MYOF: variants seen among roughly 807,000 people sequenced by gnomAD.
MYOF encodes the protein myoferlin.
MYOF carries 244 observed loss-of-function variants against 284.2 expected under a neutral mutation model. The observed-to-expected ratio is 0.86, with a 90% CI of 0.77 to 0.95. MYOF has a LOEUF of 0.95. MYOF is among the 40% of genes least tolerant of loss of function. The probability of loss-of-function intolerance (pLI) is 0.00; values close to 1 mark genes in which losing one functional copy is unlikely to be tolerated. For synonymous variants in MYOF, 904 were observed against 919.7 expected, an observed-to-expected ratio of 0.98 and a Z score of 0.31; for missense variants, 2,496 against 2,560.6, an observed-to-expected ratio of 0.97 and a Z score of 0.54.
At chr10:93,340,081 A>G in intron 39 of MYOF, 72 bp downstream of exon 39, 2 of 1,563,834 alleles carry the variant, frequency 1.3e-6, no homozygotes, top group Middle Eastern at 1.7e-4. Context: ...CTCCTTCTCA[A>G]AAAAAGAAAA....
chr10:93,380,921 C>G (rs774943016), intron 20 of MYOF, among the ~76,000 whole-genome samples: 5 of 152,158 alleles, frequency 3.3e-5, no homozygotes, highest in African/African-American at 4.8e-5. Context: ...TTGCGGAGCT[C>G]AGAACTTAGC....
intron 35 of MYOF, among the ~76,000 whole-genome samples, chr10:93,350,803 G>C (rs1227883144): frequency 6.6e-6 from 1 of 152,150 alleles, no homozygotes; most frequent in Non-Finnish European, 1.5e-5. Context: ...GGGGTCATCA[G>C]CTTGTATCTG....
At chr10:93,331,300 C>G (rs1223687790) in intron 43 of MYOF, among the ~76,000 whole-genome samples, 1 of 152,110 alleles carries the variant, frequency 6.6e-6, no homozygotes, top group Non-Finnish European at 1.5e-5. Context: ...TGGACTGGAG[C>G]CATCTGGGGG....
chr10:93,474,260 G>C (rs2057212025), intron 1 of MYOF, among the ~76,000 whole-genome samples: 1 of 152,140 alleles, frequency 6.6e-6, no homozygotes, highest in Admixed American at 6.5e-5. Context: ...CTAATCTGCT[G>C]TTCACATTGC....
chr10:93,381,620 T>C (rs572405629), intron 19 of MYOF, among the ~76,000 whole-genome samples: 15 of 152,192 alleles, frequency 9.9e-5, no homozygotes, highest in African/African-American at 3.1e-4. Flanking sequence ...GGGGAAGAAA[T>C]GAAAACAGTA....
At chr10:93,369,345 G>C (rs1425687857) in intron 25 of MYOF, among the ~76,000 whole-genome samples, 1 of 152,008 alleles carries the variant, frequency 6.6e-6, no homozygotes, top group East Asian at 1.9e-4. Flanking sequence ...TTGAGAGCTA[G>C]AAAGACACCC....
intron 1 of MYOF, among the ~76,000 whole-genome samples, chr10:93,475,608 C>T (rs1389817114): frequency 1.3e-5 from 2 of 152,178 alleles, no homozygotes; most frequent in African/African-American, 4.8e-5. Context: ...TCTGAAATTT[C>T]CTGCCAGTTC....
intron 26 of MYOF, among the ~76,000 whole-genome samples, chr10:93,364,957 T>C (rs183788714): frequency 1.3e-3 from 202 of 152,288 alleles, no homozygotes; most frequent in Middle Eastern, 3.4e-3. Context: ...TAGGATTCCA[T>C]CCAGCCCTGA....
Position 93,355,643 on chromosome 10 carries a change from A to C in MYOF, c.3388T>G (p.Ser1130Ala). 6.2e-7 allele frequency: 1 copy of C among 1,606,492 alleles called. No individual in the cohort carries two copies. Among genetic ancestry groups the C allele is most frequent in the Non-Finnish European group, 8.5e-7 (1 of 1,175,500 alleles). Reference protein sequence around the residue: ...TVFGANTPIVSCNFDRVYIYH... With the variant: ...TVFGANTPIVACNFDRVYIYH... ...CAAAACTCACTGTCAAAATTGCAGG[A>C]AACAATGGGGGTGTTTGCTCCGAAC... The change falls in exon 31 of 54, where the codon TCC becomes GCC. Residue 1130 changes from serine (S) to alanine (A), a missense_variant. By Grantham distance (99) the Ser-to-Ala change is moderately conservative. Coordinates refer to ENST00000359263, the MANE Select transcript of MYOF (RefSeq NM_013451.4).
chr10:93,339,863 A>G (rs1032729920), intron 39 of MYOF, among the ~76,000 whole-genome samples: 1 of 151,912 alleles, frequency 6.6e-6, no homozygotes, highest in Non-Finnish European at 1.5e-5. Context: ...GTGGATCACG[A>G]GGTCAGGAGA....
intron 49 of MYOF, 152 bp from the exon 50 acceptor site, chr10:93,316,965 G>A (rs981712743): frequency 4.5e-5 from 27 of 605,674 alleles, no homozygotes; most frequent in Admixed American, 9.1e-5. Context: ...TGTACAGAGA[G>A]CAGTCAGGCT....
At chr10:93,328,163 C>T (rs937367261) in intron 45 of MYOF, among the ~76,000 whole-genome samples, 1 of 152,170 alleles carries the variant, frequency 6.6e-6, no homozygotes, top group African/African-American at 2.4e-5. Context: ...CCCTGGATAT[C>T]CCATGCCCTT....
intron 5 of MYOF, among the ~76,000 whole-genome samples, chr10:93,416,288 G>A (rs559723849): frequency 1.2e-4 from 18 of 152,128 alleles, no homozygotes; most frequent in Non-Finnish European, 1.9e-4. Flanking sequence ...AGGCCAAGGC[G>A]GGTGGATCAC....
At chr10:93,467,807 A>C (rs1168703876) in intron 1 of MYOF, among the ~76,000 whole-genome samples, 1 of 152,170 alleles carries the variant, frequency 6.6e-6, no homozygotes, top group African/African-American at 2.4e-5. Flanking sequence ...AAAAATGATG[A>C]GTTCATGTCC....
At position 93,333,826 on chromosome 10, in the gene MYOF, G is replaced by C. The variant is rs773054217; in HGVS notation, c.4651C>G (p.Gln1551Glu). Residue 1551 changes from glutamine to glutamate, a missense_variant, in exon 42 of 54, where the codon CAG becomes GAG. Transcript: ENST00000359263. ...QFRELPDSVP[Q>E]ECTVRIYIVR... ...ATGTAAATCCTAACCGTGCATTCCTGTGGGACGCTGTCAGGTAATTCCCGA... is the reference window on the plus strand; with the variant it reads ...ATGTAAATCCTAACCGTGCATTCCTCTGGGACGCTGTCAGGTAATTCCCGA... 5.6e-6 allele frequency: 9 copies of C among 1,614,176 alleles called. No homozygotes were observed. Among genetic ancestry groups the C allele is most frequent in the South Asian group, 4.4e-5 (4 of 91,076 alleles).
chr10:93,476,734 T>G lies in MYOF; in HGVS notation c.88+5373A>C, dbSNP rs1012187140. ...AAAAAGGACTCTCTGAGAGGTTAAC[T>G]GGTTTGCTCAAGACTACAAAGTTTG... On this transcript the variant is annotated intron_variant, in intron 1 of 53. Transcript: ENST00000359263. Among the ~76,000 whole-genome samples the G allele has an allele frequency of 4.6e-5, 7 of 152,196 alleles. No individual in the cohort carries two copies. In the East Asian group the frequency reaches 5.8e-4, roughly 13 times the overall value.
intron 13 of MYOF, 88 bp from the exon 14 acceptor site, chr10:93,397,544 G>T: frequency 1.1e-6 from 1 of 929,204 alleles, no homozygotes; most frequent in Non-Finnish European, 1.6e-6. Flanking sequence ...TATGACTTTA[G>T]CAGTTTACTT....
chr10:93,372,487 C>A (rs1350192034), intron 24 of MYOF, among the ~76,000 whole-genome samples: 1 of 152,100 alleles, frequency 6.6e-6, no homozygotes, highest in Non-Finnish European at 1.5e-5. Flanking sequence ...TTACGATTGT[C>A]AAAAATGTTC....
In MYOF at chr10:93,381,733, T is replaced by G. The variant is rs895336325; in HGVS notation, c.1699-337A>C. ...TTAATTAGGTCCATATGTGCAACCA[T>G]GAAAAAAGAGTATATTTTTTGGGCT... On this transcript the variant is annotated intron_variant, in intron 19 of 53. Transcript: ENST00000359263. 2.0e-5 allele frequency among the ~76,000 whole-genome samples: 3 copies of G among 152,182 alleles called. No homozygotes were observed. In the East Asian group the frequency reaches 5.8e-4, roughly 29 times the overall value.
Sources: gnomAD v4.1 joint callset for allele counts (sites outside exome capture counted in the v4.1 genomes callset) on GRCh38, gnomAD v4.1.1 for gene constraint, MANE v1.5 for transcripts, NCBI Gene and HGNC (gene_info 2026-07-23, HGNC 2026-07-21) for gene names.